The following SSH2 variants were observed in gnomAD, a reference collection of about 807,000 sequenced individuals.
SSH2 encodes the protein protein phosphatase Slingshot homolog 2.
In SSH2, 37 loss-of-function variants were observed where a neutral mutation model predicts 135.2. That is an observed-to-expected ratio of 0.27 (90% confidence interval 0.21 to 0.36). The LOEUF (loss-of-function observed/expected upper bound fraction) is 0.36. Ranked by LOEUF, SSH2 falls within the 10% of genes least tolerant of loss-of-function variation. The pLI is 1.00. For synonymous variants in SSH2, 628 were observed against 646.2 expected, an observed-to-expected ratio of 0.97 and a Z score of 0.43; for missense variants, 1,408 against 1,765.3, an observed-to-expected ratio of 0.80 and a Z score of 3.63.
intron 3 of SSH2, among the ~76,000 whole-genome samples, chr17:29,726,124 C>T (rs187826947): frequency 7.9e-5 from 12 of 152,262 alleles, no homozygotes; most frequent in East Asian, 7.7e-4. Flanking sequence ...ACACACTAAC[C>T]GCCCTCTCCA....
At chr17:29,812,431 A>G (rs1206541905) in intron 2 of SSH2, among the ~76,000 whole-genome samples, 2 of 152,028 alleles carry the variant, frequency 1.3e-5, no homozygotes, top group Non-Finnish European at 2.9e-5. Flanking sequence ...CTACAGGCAC[A>G]TGCCACCATG....
intron 1 of SSH2, among the ~76,000 whole-genome samples, chr17:29,853,381 G>A (rs1026912203): frequency 2.6e-5 from 4 of 151,564 alleles, no homozygotes; most frequent in East Asian, 3.9e-4. Flanking sequence ...CACCGCGCGC[G>A]GCCTAGGTGG....
intron 14 of SSH2, chr17:29,639,723 G>C (rs1462602508): frequency 6.6e-6 from 1 of 152,050 alleles, no homozygotes; most frequent in African/African-American, 2.4e-5. Flanking sequence ...AACATATCAC[G>C]CATCTCAAGT....
At chr17:29,730,821 C>T (rs1437982288) in intron 3 of SSH2, among the ~76,000 whole-genome samples, 1 of 152,112 alleles carries the variant, frequency 6.6e-6, no homozygotes, top group African/African-American at 2.4e-5. Context: ...TGTACCCACA[C>T]AAGTTGTTTT....
chr17:29,912,626 G>A (rs554356346), intron 1 of SSH2, among the ~76,000 whole-genome samples: 98 of 152,180 alleles, frequency 6.4e-4, no homozygotes, highest in Admixed American at 1.8e-3. Flanking sequence ...TACTACTCAG[G>A]AGGCTAAGGT....
chr17:29,847,397 C>T (rs1418312101), intron 2 of SSH2, among the ~76,000 whole-genome samples: 1 of 152,226 alleles, frequency 6.6e-6, no homozygotes, highest in African/African-American at 2.4e-5. Flanking sequence ...GGGCCTCTCA[C>T]AAAGAGCTGG....
chr17:29,742,999 T>C (rs572013381), intron 3 of SSH2, among the ~76,000 whole-genome samples: 29 of 152,090 alleles, frequency 1.9e-4, no homozygotes, highest in African/African-American at 6.5e-4. Flanking sequence ...TAGCGTGATA[T>C]CAGCTCACTG....
chr17:29,911,921 C>A (rs183845987), intron 1 of SSH2, among the ~76,000 whole-genome samples: 1,882 of 152,300 alleles, frequency 0.012, 31 homozygotes, highest in African/African-American at 0.042. Flanking sequence ...AGTTGTTATA[C>A]AAAGTGTGAC....
chr17:29,840,839 T>A (rs2043027962), intron 2 of SSH2, among the ~76,000 whole-genome samples: 1 of 152,210 alleles, frequency 6.6e-6, no homozygotes, highest in South Asian at 2.1e-4. Flanking sequence ...TAGGTACTAT[T>A]ATTATTCCCA....
At chr17:29,831,024 C>T (rs1017315365) in intron 2 of SSH2, among the ~76,000 whole-genome samples, 12 of 152,154 alleles carry the variant, frequency 7.9e-5, no homozygotes, top group South Asian at 2.1e-4. Flanking sequence ...ATTTGATTAA[C>T]GTGCCAGTGG....
At chr17:29,757,794 T>TG (rs1181737599) in intron 3 of SSH2, among the ~76,000 whole-genome samples, 8 of 4,554 alleles carry the variant, frequency 1.8e-3, no homozygotes, top group Non-Finnish European at 3.2e-3. Flanking sequence ...GGGGGTGGGG[T>TG]GGGGGGCCGG....
chr17:29,637,256 G>A (rs2067215279), intron 14 of SSH2, among the ~76,000 whole-genome samples: 1 of 152,096 alleles, frequency 6.6e-6, no homozygotes, highest in Non-Finnish European at 1.5e-5. Flanking sequence ...ATGCCACCAT[G>A]CCTGGCTAAT....
At chr17:29,929,875 C>A (rs901171311) in intron 1 of SSH2, 63 bp downstream of exon 1, 40 of 1,479,936 alleles carry the variant, frequency 2.7e-5, no homozygotes, top group Admixed American at 5.9e-5. Context: ...CGGCGGGACC[C>A]GCTGAGGCAA....
chr17:29,881,147 A>C (rs765261984), intron 1 of SSH2, among the ~76,000 whole-genome samples: 23 of 152,244 alleles, frequency 1.5e-4, no homozygotes, highest in Non-Finnish European at 2.8e-4. Context: ...TCAAATACAA[A>C]CATGTTAATC....
intron 1 of SSH2, among the ~76,000 whole-genome samples, chr17:29,877,444 C>T (rs1348930536): frequency 6.6e-6 from 1 of 152,152 alleles, no homozygotes; most frequent in Non-Finnish European, 1.5e-5. Context: ...GTGGCACTGT[C>T]TACAATAGCC....
chr17:29,719,868 T>A (rs888829741), intron 3 of SSH2, among the ~76,000 whole-genome samples: 1 of 152,208 alleles, frequency 6.6e-6, no homozygotes, highest in Non-Finnish European at 1.5e-5. Context: ...GTGATTCTCC[T>A]GCCTCAGCCT....
intron 1 of SSH2, among the ~76,000 whole-genome samples, chr17:29,894,876 G>T (rs748503690): frequency 1.3e-5 from 1 of 77,740 alleles, no homozygotes; most frequent in African/African-American, 5.0e-5. Flanking sequence ...CTCCACCCCC[G>T]CCCCCCCAAT....
intron 11 of SSH2, among the ~76,000 whole-genome samples, chr17:29,657,587 T>TG (rs891666560): frequency 3.5e-5 from 5 of 144,188 alleles, no homozygotes; most frequent in African/African-American, 1.3e-4. Flanking sequence ...TTTTTTTTTT[T>TG]TTTTTTTTTT....
At chr17:29,732,787 C>T (rs759747532) in intron 3 of SSH2, among the ~76,000 whole-genome samples, 1 of 152,110 alleles carries the variant, frequency 6.6e-6, no homozygotes, top group East Asian at 1.9e-4. Flanking sequence ...TCCTTGGAAA[C>T]CAACAGAACA....
Sources: allele counts gnomAD v4.1 joint callset (sites outside exome capture counted in the v4.1 genomes callset), GRCh38; gene constraint gnomAD v4.1.1; transcripts MANE v1.5; gene names NCBI Gene and HGNC (gene_info 2026-07-23, HGNC 2026-07-21).